MTCL1: variants seen among roughly 807,000 people sequenced by gnomAD.
The protein encoded by MTCL1 is microtubule cross-linking factor 1.
MTCL1 carries 79 observed loss-of-function variants against 141.4 expected under a neutral mutation model. The observed-to-expected ratio is 0.56, with a 90% confidence interval of 0.47 to 0.67. The LOEUF is 0.67. Among genes scored for constraint, MTCL1 ranks in the 30% least tolerant of loss-of-function variants. MTCL1 has a pLI of 0.00. For synonymous variants in MTCL1, 914 were observed against 875.8 expected (o/e 1.04, Z -0.77); for missense variants, 2,177 against 2,113.9 (o/e 1.03, Z -0.59).
chr18:8,772,246 A>G (rs899655606), intron 4 of MTCL1, among the ~76,000 whole-genome samples: 1 of 152,172 alleles, frequency 6.6e-6, no homozygotes, highest in Non-Finnish European at 1.5e-5. Flanking sequence ...CCAACCACAT[A>G]TGCATAGGCT....
At chr18:8,826,436 T>C (rs975800949) in intron 15 of MTCL1, among the ~76,000 whole-genome samples, 3 of 152,242 alleles carry the variant, frequency 2.0e-5, no homozygotes, top group Non-Finnish European at 2.9e-5. Context: ...GAAAATGTTA[T>C]TTTATTGTCC....
intron 11 of MTCL1, chr18:8,809,769 A>C (rs2076420078): frequency 2.8e-6 from 2 of 708,356 alleles, no homozygotes; most frequent in Non-Finnish European, 4.5e-6. Flanking sequence ...ACGCAGAGAG[A>C]CAACCAGTTG....
chr18:8,807,713 A>G (rs2076347359), intron 11 of MTCL1, among the ~76,000 whole-genome samples: 1 of 152,074 alleles, frequency 6.6e-6, no homozygotes, highest in Admixed American at 6.5e-5. Flanking sequence ...ATAACAAGAA[A>G]CATCCTTTCC....
intron 16 of MTCL1, chr18:8,829,537 C>T: frequency 1.0e-6 from 1 of 970,590 alleles, no homozygotes; most frequent in Non-Finnish European, 1.2e-6. Flanking sequence ...ACAACAAAAT[C>T]ATCCCCACTC....
intron 4 of MTCL1, among the ~76,000 whole-genome samples, chr18:8,727,895 CCTCT>C (rs35191368): frequency 6.4e-4 from 91 of 142,212 alleles, no homozygotes; most frequent in Non-Finnish European, 1.0e-3. Context: ...TCCCTCCCTC[CCTCT>C]CTCTCTCTCT....
In MTCL1 at chr18:8,793,060, C is replaced by T. The variant is rs765096694; in HGVS notation, c.1950C>T (p.Leu650=). The change falls in exon 8 of 17, where the codon CTC becomes CTT. Residue 650 remains leucine (L), a synonymous_variant. Transcript: ENST00000359865. Reference sequence around the variant, plus strand: ...CCATAGAGGAGCTACAGGGTCAGCTCGTGCAGGCGGCCAGACTGCATCAAG... The same window carrying T: ...CCATAGAGGAGCTACAGGGTCAGCTTGTGCAGGCGGCCAGACTGCATCAAG... The T allele has an allele frequency of 2.0e-5, 32 of 1,614,026 alleles. No individual in the cohort carries two copies. The South Asian group carries it at 2.5e-4, about 13-fold the overall frequency.
intron 4 of MTCL1, among the ~76,000 whole-genome samples, chr18:8,755,676 A>G (rs1156706089): frequency 6.6e-6 from 1 of 152,202 alleles, no homozygotes; most frequent in Non-Finnish European, 1.5e-5. Context: ...AACCACCTTT[A>G]AAAGACAGAC....
At chr18:8,767,592 G>C (rs1401556724) in intron 4 of MTCL1, among the ~76,000 whole-genome samples, 1 of 152,172 alleles carries the variant, frequency 6.6e-6, no homozygotes, top group African/African-American at 2.4e-5. Context: ...TAATCCTGCA[G>C]TTTAATCTCC....
At chr18:8,811,545 A>G (rs1025964147) in intron 11 of MTCL1, among the ~76,000 whole-genome samples, 5 of 151,960 alleles carry the variant, frequency 3.3e-5, no homozygotes, top group Admixed American at 1.3e-4. Flanking sequence ...ATATATATCT[A>G]TGGTCTCAAA....
At position 8,812,853 on chromosome 18, in the gene MTCL1, A is replaced by T. The variant is rs1329833776; in HGVS notation, c.2605-126A>T. On this transcript the variant is annotated intron_variant, in intron 11 of 16. Coordinates refer to ENST00000359865, the Ensembl canonical transcript of MTCL1. ...GACTTTAAAAATAAAATTTGTTTAT[A>T]CTGTGGGATTGGTCAAATCTTGGTT... The T allele has an allele frequency of 6.6e-6, 8 of 1,209,452 alleles. No homozygotes were observed. In the East Asian group the frequency reaches 1.9e-4, roughly 29 times the overall value. The allele number at this position is 1,209,452 out of a possible 1,614,324, so 74.9% of individuals were successfully genotyped here.
chr18:8,798,285 C>A, exon 10 of MTCL1: 1 of 1,539,866 alleles, frequency 6.5e-7, no homozygotes, highest in South Asian at 1.2e-5. Context: ...GACAGCCCCA[C>A]AAACAGGTGG....
At chr18:8,714,999 T>G (rs974881663), upstream of MTCL1, among the ~76,000 whole-genome samples, 1 of 152,092 alleles carries the variant, frequency 6.6e-6, no homozygotes, top group Non-Finnish European at 1.5e-5. Context: ...GGTTTCACTG[T>G]GTTAGCCAGG....
intron 16 of MTCL1, 108 bp from the exon 15 acceptor site, chr18:8,831,499 G>T: frequency 6.8e-7 from 1 of 1,481,396 alleles, no homozygotes; most frequent in Non-Finnish European, 9.0e-7. Context: ...GTTGCCTGTG[G>T]TGTATACTTC....
chr18:8,815,387 G>T (rs1209237908), intron 12 of MTCL1, among the ~76,000 whole-genome samples: 1 of 151,922 alleles, frequency 6.6e-6, no homozygotes, highest in East Asian at 1.9e-4. Context: ...ACCGAACACC[G>T]CATATTCTCA....
At chr18:8,756,409 GTATATGTGTATATATGTGTATATATGTA>G (rs1567983523) in intron 4 of MTCL1, among the ~76,000 whole-genome samples, 2 of 147,962 alleles carry the variant, frequency 1.4e-5, no homozygotes, top group African/African-American at 5.1e-5. Flanking sequence ...ATATATGTGT[GTATATGTGTATATATGTGTATATATGTA>G]TATATGTGTA....
At chr18:8,756,493 GTATA>G (rs1567984077) in intron 4 of MTCL1, among the ~76,000 whole-genome samples, 1 of 143,200 alleles carries the variant, frequency 7.0e-6, no homozygotes, top group African/African-American at 3.0e-5. Flanking sequence ...GTGTATATAT[GTATA>G]TATGTGTGTA....
rs560612994 is a variant in MTCL1 at position 8,806,877 on chromosome 18, C to G, written c.2437-16C>G. The G allele has an allele frequency of 1.4e-5, 23 of 1,610,730 alleles. No individual in the cohort carries two copies. The Admixed American group carries it at 3.2e-4, about 22-fold the overall frequency. On this transcript the variant is annotated splice_polypyrimidine_tract_variant and intron_variant, in intron 10 of 16. Coordinates refer to ENST00000359865, the Ensembl canonical transcript of MTCL1. ...GCTTAAAGGAGGTGGTGGAGCCTGA[C>G]TCAGTGTTCCCGCAGGTGGTGGAAA...
At chr18:8,727,444 T>C (rs531834483) in intron 4 of MTCL1, among the ~76,000 whole-genome samples, 114 of 152,310 alleles carry the variant, frequency 7.5e-4, no homozygotes, top group Non-Finnish European at 1.4e-3. Flanking sequence ...TCCATATCCA[T>C]GCCAACATCT....
intron 1 of MTCL1, among the ~76,000 whole-genome samples, chr18:8,707,928 G>T (rs768561433): frequency 7.9e-5 from 12 of 152,164 alleles, no homozygotes; most frequent in Admixed American, 2.0e-4. Flanking sequence ...TGAGCCTTGT[G>T]GTTATTTTAC....
Sources: allele counts gnomAD v4.1 joint callset (sites outside exome capture counted in the v4.1 genomes callset), GRCh38; gene constraint gnomAD v4.1.1; transcripts MANE v1.5; gene names NCBI Gene and HGNC (gene_info 2026-07-23, HGNC 2026-07-21).